The following SH3RF3 variants were observed in gnomAD, a reference collection of about 807,000 sequenced individuals.
The protein encoded by SH3RF3 is SH3 domain containing ring finger 3.
A neutral mutation model predicts 66.3 loss-of-function variants in SH3RF3; 29 were observed. That is an observed-to-expected ratio of 0.44 (90% confidence interval 0.33 to 0.60). The LOEUF is 0.60. Ranked by LOEUF, SH3RF3 falls within the 20% of genes least tolerant of loss-of-function variation. The pLI, the probability that SH3RF3 is intolerant of heterozygous loss-of-function variation, is 0.04. For missense variants in SH3RF3, 1,194 were observed against 1,190.9 expected (o/e 1.00, Z -0.04); for synonymous variants, 583 against 532.0 (o/e 1.10, Z -1.32).
At chr2:109,198,911 T>G (rs1553483569) in intron 1 of SH3RF3, among the ~76,000 whole-genome samples, 2 of 152,184 alleles carry the variant, frequency 1.3e-5, no homozygotes, top group South Asian at 2.1e-4. Flanking sequence ...TTTGCGTAGC[T>G]AAATGCAGAA....
At chr2:109,141,764 T>C (rs1280226762) in intron 1 of SH3RF3, among the ~76,000 whole-genome samples, 3 of 151,976 alleles carry the variant, frequency 2.0e-5, no homozygotes, top group Non-Finnish European at 4.4e-5. Context: ...CCTGACAGTA[T>C]CAACAGGAGG....
chr2:109,226,950 G>A (rs939068679), intron 1 of SH3RF3, among the ~76,000 whole-genome samples: 2 of 152,168 alleles, frequency 1.3e-5, no homozygotes, highest in Admixed American at 6.5e-5. Context: ...CACCATGGCC[G>A]GGTTCATGGC....
intron 8 of SH3RF3, among the ~76,000 whole-genome samples, chr2:109,462,960 A>T (rs896006912): frequency 6.6e-6 from 1 of 152,100 alleles, no homozygotes; most frequent in Admixed American, 6.5e-5. Flanking sequence ...TCTTTCCCCT[A>T]ATGCGCAGTC....
rs1384169077 is a variant in SH3RF3, at chr2:109,398,850, A to C, written c.1206A>C (p.Glu402Asp). The C allele has an allele frequency of 2.5e-6, 4 of 1,613,868 alleles. No homozygotes were observed. The South Asian group carries it at 4.4e-5, about 18-fold the overall frequency. Reference protein sequence around the residue: ...SQAASHRHSMEISAPVLISSS... With the variant: ...SQAASHRHSMDISAPVLISSS... ...CTGCCAGCCACAGGCATTCCATGGA[A>C]ATTAGTGCTCCAGTGTTGATCAGCT... Residue 402 changes from glutamate (E) to aspartate (D), a missense_variant, in exon 4 of 10, where the codon GAA (glutamate) becomes GAC (aspartate). Transcript: ENST00000309415.
In SH3RF3 at chr2:109,335,196, C is replaced by T. The variant is rs75125487; in HGVS notation, c.574-12478C>T. Among the ~76,000 whole-genome samples, 1,353 of 152,340 alleles carry T rather than the reference C, an allele frequency of 8.9e-3. 11 individuals carry two copies. The highest frequency in any genetic ancestry group is 0.013 in the Non-Finnish European group (868 of 68,026). On this transcript the variant is annotated intron_variant, in intron 1 of 9. Coordinates refer to ENST00000309415, the MANE Select transcript of SH3RF3 (RefSeq NM_001099289.3). ...GTTCCTTGCGCCTGATCTAGAGTTC[C>T]GAGGCCTACGCACCTCAGAGGAGCA...
intron 1 of SH3RF3, among the ~76,000 whole-genome samples, chr2:109,164,410 T>C (rs939631572): frequency 3.9e-5 from 6 of 152,188 alleles, no homozygotes; most frequent in African/African-American, 1.4e-4. Flanking sequence ...TTCCAAACTC[T>C]TGGCCTCAAG....
chr2:109,254,442 G>A (rs1035881474), intron 1 of SH3RF3, among the ~76,000 whole-genome samples: 4 of 152,148 alleles, frequency 2.6e-5, no homozygotes, highest in African/African-American at 9.7e-5. Context: ...GATTAATGCT[G>A]TAAAGTACTT....
chr2:109,189,379 T>C (rs1678282937), intron 1 of SH3RF3, among the ~76,000 whole-genome samples: 1 of 151,094 alleles, frequency 6.6e-6, no homozygotes, highest in South Asian at 2.1e-4. Flanking sequence ...TTTTTTTTTT[T>C]TTCTTTTTTT....
At chr2:109,438,382 G>A (rs931954288) in intron 7 of SH3RF3, among the ~76,000 whole-genome samples, 1 of 152,188 alleles carries the variant, frequency 6.6e-6, no homozygotes, top group Non-Finnish European at 1.5e-5. Flanking sequence ...CCATCAGTGG[G>A]TGCAGGTGGA....
intron 1 of SH3RF3, among the ~76,000 whole-genome samples, chr2:109,152,527 C>T (rs937127157): frequency 3.9e-5 from 6 of 152,214 alleles, no homozygotes; most frequent in African/African-American, 1.4e-4. Context: ...CTGGAAACAA[C>T]GAAGTGTTTG....
chr2:109,463,508 G>A (rs1172423015), intron 8 of SH3RF3, among the ~76,000 whole-genome samples: 2 of 152,212 alleles, frequency 1.3e-5, no homozygotes. Flanking sequence ...TCACACATCT[G>A]TTTCTCATAG....
rs1489047466 is a variant in SH3RF3 at position 109,415,530 on chromosome 2, C to T, written c.1300-4009C>T. 2.0e-5 allele frequency among the ~76,000 whole-genome samples: 3 copies of T among 152,256 alleles called. No homozygotes were observed. The East Asian group carries it at 5.8e-4, about 29-fold the overall frequency. On this transcript the variant is annotated intron_variant, in intron 4 of 9. Transcript: ENST00000309415. ...GCGTGTCCAGACCCCCTCCTGACTCCCTTGCCCTCTGCCGGTGCAGGCTGG... is the reference window on the plus strand; with the variant it reads ...GCGTGTCCAGACCCCCTCCTGACTCTCTTGCCCTCTGCCGGTGCAGGCTGG...
At chr2:109,160,036 A>G (rs573635282) in intron 1 of SH3RF3, among the ~76,000 whole-genome samples, 2 of 152,360 alleles carry the variant, frequency 1.3e-5, no homozygotes, top group Admixed American at 1.3e-4. Context: ...AGGTCCATGG[A>G]AAAGTCATCT....
Position 109,344,608 on chromosome 2 carries a change from G to A in SH3RF3, c.574-3066G>A, listed in dbSNP as rs564568573. 2.0e-5 allele frequency among the ~76,000 whole-genome samples: 3 copies of A among 152,324 alleles called. No homozygotes were observed. In the East Asian group the frequency reaches 5.8e-4, roughly 29 times the overall value. Reference sequence around the variant, plus strand: ...CATCCAGCCCATGACAGGCTGATGGGCCAGGAGACCACTGGAGGAGGTTTG... The same window carrying A: ...CATCCAGCCCATGACAGGCTGATGGACCAGGAGACCACTGGAGGAGGTTTG... On this transcript the variant is annotated intron_variant, in intron 1 of 9. Transcript: ENST00000309415.
chr2:109,498,299 G>T (rs1290753902), intron 9 of SH3RF3, among the ~76,000 whole-genome samples: 1 of 152,156 alleles, frequency 6.6e-6, no homozygotes, highest in Non-Finnish European at 1.5e-5. Context: ...AACCTGGCCT[G>T]TTCTGCTTCC....
intron 2 of SH3RF3, among the ~76,000 whole-genome samples, chr2:109,365,609 G>A (rs1456007803): frequency 6.6e-6 from 1 of 152,154 alleles, no homozygotes; most frequent in Non-Finnish European, 1.5e-5. Context: ...TGAATGGTGT[G>A]TGTGCTAATA....
intron 1 of SH3RF3, among the ~76,000 whole-genome samples, chr2:109,322,016 TG>T (rs2105461622): frequency 6.6e-6 from 1 of 152,242 alleles, no homozygotes; most frequent in Non-Finnish European, 1.5e-5. Context: ...AAGAAGTGGA[TG>T]GCTCTTTTTA....
intron 8 of SH3RF3, among the ~76,000 whole-genome samples, chr2:109,452,225 A>G (rs961675581): frequency 1.3e-5 from 2 of 152,240 alleles, no homozygotes; most frequent in African/African-American, 4.8e-5. Context: ...CTGCACCAGC[A>G]GACTGTGCTG....
At chr2:109,333,624 G>A (rs1651107802) in intron 1 of SH3RF3, among the ~76,000 whole-genome samples, 1 of 152,174 alleles carries the variant, frequency 6.6e-6, no homozygotes, top group Non-Finnish European at 1.5e-5. Context: ...AGCTAACACT[G>A]ATGGCCTGCA....
Sources: allele counts gnomAD v4.1 joint callset (sites outside exome capture counted in the v4.1 genomes callset), GRCh38; gene constraint gnomAD v4.1.1; transcripts MANE v1.5; gene names NCBI Gene and HGNC (gene_info 2026-07-23, HGNC 2026-07-21).